The following PRR33 variants were observed in gnomAD, a reference collection of about 807,000 sequenced individuals.
The protein encoded by PRR33 is proline rich 33.
A neutral mutation model predicts 0.5 loss-of-function variants in PRR33; 1 was observed. The ratio of observed to expected loss-of-function variants is 2.18; its 90% confidence interval spans 0.77 to 10.34. The LOEUF (loss-of-function observed/expected upper bound fraction) is 10.34. Ranked by LOEUF, PRR33 falls within the 30% of genes most tolerant of loss-of-function variation. The pLI is 0.13. For synonymous variants in PRR33, 226 were observed against 110.0 expected (o/e 2.06, Z -6.60); for missense variants, 552 against 251.8 (o/e 2.19, Z -8.07).
At chr11:1,888,263 C>A (rs1333730540) in exon 1 of PRR33, among the ~76,000 whole-genome samples, 1 of 152,192 alleles carries the variant, frequency 6.6e-6, no homozygotes, top group Non-Finnish European at 1.5e-5. Flanking sequence ...TGGCCACCCC[C>A]ACCAGAGCCT....
At chr11:1,899,099 T>C in the PRR33 span, among the ~76,000 whole-genome samples, 2 of 152,022 alleles carry the variant, frequency 1.3e-5, no homozygotes. Flanking sequence ...CCTCCACAAA[T>C]AAAAGTATAC....
At chr11:1,898,153 C>T in the PRR33 span, among the ~76,000 whole-genome samples, 1 of 152,230 alleles carries the variant, frequency 6.6e-6, no homozygotes, top group African/African-American at 2.4e-5. Context: ...TCATCCCACA[C>T]ACCTTTAGCA....
the PRR33 span, among the ~76,000 whole-genome samples, chr11:1,904,705 C>T: frequency 6.6e-6 from 1 of 151,560 alleles, no homozygotes; most frequent in Admixed American, 6.6e-5. Context: ...ATGGGGGTCT[C>T]ACTATGTTGG....
At chr11:1,888,222 T>A (rs1015350318) in exon 1 of PRR33, among the ~76,000 whole-genome samples, 6 of 152,188 alleles carry the variant, frequency 3.9e-5, no homozygotes, top group Non-Finnish European at 7.4e-5. Context: ...CAGAGGCTTT[T>A]TCTGGTACCT....
At chr11:1,890,546 G>A (rs759861895) in exon 1 of PRR33, 78 of 713,400 alleles carry the variant, frequency 1.1e-4, no homozygotes, top group Non-Finnish European at 1.7e-4. Flanking sequence ...GGCTTGGGCC[G>A]CACACCTCGG....
chr11:1,916,872 G>A, the PRR33 span, among the ~76,000 whole-genome samples: 1 of 152,216 alleles, frequency 6.6e-6, no homozygotes, highest in Admixed American at 6.5e-5. Context: ...CCAATGCGGA[G>A]GTCAGGAGGC....
the PRR33 span, among the ~76,000 whole-genome samples, chr11:1,912,295 T>G: frequency 6.6e-6 from 1 of 152,202 alleles, no homozygotes; most frequent in Non-Finnish European, 1.5e-5. Context: ...TGTCTTTTTT[T>G]TTGTCTTTGC....
At chr11:1,911,395 T>C in the PRR33 span, among the ~76,000 whole-genome samples, 1 of 152,026 alleles carries the variant, frequency 6.6e-6, no homozygotes, top group Non-Finnish European at 1.5e-5. Context: ...TGAGCCGAGA[T>C]TGTGCCACTG....
At chr11:1,889,364 G>A in exon 1 of PRR33, 1 of 712,494 alleles carries the variant, frequency 1.4e-6, no homozygotes, top group South Asian at 1.5e-5. Context: ...CCACTGACAT[G>A]CGGTACAGCA....
chr11:1,907,239 T>A, the PRR33 span, among the ~76,000 whole-genome samples: 1 of 152,042 alleles, frequency 6.6e-6, no homozygotes, highest in Non-Finnish European at 1.5e-5. Flanking sequence ...CAGCCAGGAG[T>A]GGAAATCTGC....
At chr11:1,906,400 C>T in the PRR33 span, among the ~76,000 whole-genome samples, 1 of 152,162 alleles carries the variant, frequency 6.6e-6, no homozygotes, top group Admixed American at 6.6e-5. Flanking sequence ...ACAGTTGGCT[C>T]TGAGTGACTG....
At chr11:1,900,197 A>G in the PRR33 span, among the ~76,000 whole-genome samples, 1 of 152,162 alleles carries the variant, frequency 6.6e-6, no homozygotes, top group Admixed American at 6.6e-5. Flanking sequence ...CTGGACTTAT[A>G]TCTTCTTAAA....
chr11:1,900,542 C>T, the PRR33 span, among the ~76,000 whole-genome samples: 1 of 152,296 alleles, frequency 6.6e-6, no homozygotes, highest in African/African-American at 2.4e-5. Context: ...TCCTGGAGGA[C>T]TCAATATTGT....
the PRR33 span, among the ~76,000 whole-genome samples, chr11:1,909,998 T>C: frequency 2.0e-5 from 3 of 152,126 alleles, no homozygotes; most frequent in Non-Finnish European, 4.4e-5. Context: ...CTTTTGCAAC[T>C]CTTTCACCCC....
At chr11:1,906,765 G>GTC in the PRR33 span, among the ~76,000 whole-genome samples, 1 of 152,194 alleles carries the variant, frequency 6.6e-6, no homozygotes, top group Admixed American at 6.5e-5. Context: ...CCCGGCACTG[G>GTC]TCTCTCTAGT....
At chr11:1,902,177 A>T in the PRR33 span, among the ~76,000 whole-genome samples, 1 of 151,364 alleles carries the variant, frequency 6.6e-6, no homozygotes, top group Non-Finnish European at 1.5e-5. Context: ...GCTTGCAGTG[A>T]GCAGAGATCG....
chr11:1,897,526 G>T, the PRR33 span, among the ~76,000 whole-genome samples: 20 of 152,184 alleles, frequency 1.3e-4, no homozygotes, highest in Admixed American at 2.0e-4. The surrounding 1 kb of genome is among the most constrained non-coding windows in gnomAD (Gnocchi z 4.0). Context: ...TTTAGCTTGC[G>T]TGACTCCATC....
chr11:1,893,269 G>A (rs1180365656), upstream of PRR33, among the ~76,000 whole-genome samples: 11 of 142,628 alleles, frequency 7.7e-5, no homozygotes, highest in East Asian at 6.6e-4. Context: ...TGGTTGGGTG[G>A]GTGAGTGGAG....
At position 1,889,043 on chromosome 11, in the gene PRR33, C is replaced by G. The variant is rs1804912497; in HGVS notation, c.*102G>C. 3 of 576,738 alleles carry G rather than the reference C, an allele frequency of 5.2e-6. No homozygotes were observed. In the Admixed American group the frequency reaches 9.7e-5, roughly 19 times the overall value. 35.7% of individuals were successfully genotyped at this position (576,738 alleles called of 1,614,324 possible). A position where few individuals can be genotyped will look rare whatever the true frequency, so the allele number is the denominator to read the frequency against. ...CCCTGCACCCCATGCCCCTTGGGCC[C>G]TGGTGCATCTTCATGCAGCAACTAT... On this transcript the variant is annotated 3_prime_UTR_variant, in exon 1 of 1. Coordinates refer to ENST00000640310, the Ensembl canonical transcript of PRR33.
Sources: gnomAD v4.1 joint callset for allele counts (sites outside exome capture counted in the v4.1 genomes callset) on GRCh38, gnomAD v4.1.1 for gene constraint, Gnocchi (gnomAD v3.1) non-coding constraint, MANE v1.5 for transcripts, NCBI Gene and HGNC (gene_info 2026-07-23, HGNC 2026-07-21) for gene names.